DRICH1: variants seen among roughly 807,000 people sequenced by gnomAD.
DRICH1 encodes the protein aspartate-rich protein 1.
Under a neutral mutation model 39.5 loss-of-function variants are expected in DRICH1, and 38 were observed. That is an observed-to-expected ratio of 0.96 (90% CI 0.74 to 1.26). The LOEUF (loss-of-function observed/expected upper bound fraction) is 1.26, where lower values mean the gene tolerates loss of function less well. Among genes scored for constraint, DRICH1 ranks in the 50% most tolerant of loss-of-function variants. The probability of loss-of-function intolerance (pLI) is 0.00; values close to 1 mark genes in which losing one functional copy is unlikely to be tolerated. For missense variants in DRICH1, 279 were observed against 270.4 expected (o/e 1.03, Z -0.22); for synonymous variants, 84 against 99.5 (o/e 0.84, Z 0.93).
At chr22:23,624,039 C>G (rs551932727) in intron 3 of DRICH1, 549 of 985,296 alleles carry the variant, frequency 5.6e-4, no homozygotes, top group Admixed American at 3.9e-3. Flanking sequence ...AGACACTGGA[C>G]CTTTTGCAGT....
chr22:23,621,355 G>A (rs936953087), intron 4 of DRICH1, among the ~76,000 whole-genome samples: 1 of 151,934 alleles, frequency 6.6e-6, no homozygotes, highest in African/African-American at 2.4e-5. Flanking sequence ...AATACTTGAA[G>A]AGCCCCTGAG....
At chr22:23,616,925 AC>A (rs777892830) in intron 7 of DRICH1, 51 bp from the exon 8 acceptor site, 8 of 1,596,742 alleles carry the variant, frequency 5.0e-6, no homozygotes, top group African/African-American at 1.3e-5. Context: ...ATTCTGCCAC[AC>A]CCCTTACACA....
chr22:23,621,912 CA>C (rs1474438049), intron 4 of DRICH1, among the ~76,000 whole-genome samples, 178 bp downstream of exon 4: 3 of 150,752 alleles, frequency 2.0e-5, no homozygotes, highest in African/African-American at 4.9e-5. Context: ...CAAACAAAAA[CA>C]AAAACAAAAC....
At chr22:23,611,604 G>A (rs940182142) in intron 11 of DRICH1, among the ~76,000 whole-genome samples, 18 of 152,120 alleles carry the variant, frequency 1.2e-4, no homozygotes, top group African/African-American at 4.3e-4. Flanking sequence ...TGTGAGCCAG[G>A]ATGGTCTCGA....
At chr22:23,629,674 G>A (rs749586935) in intron 1 of DRICH1, among the ~76,000 whole-genome samples, 6 of 151,986 alleles carry the variant, frequency 3.9e-5, no homozygotes, top group Non-Finnish European at 8.8e-5. Flanking sequence ...GGAGGGGGCA[G>A]TGGCTCGATC....
chr22:23,622,266 G>A, intron 3 of DRICH1, 90 bp from the exon 4 acceptor site: 1 of 1,165,564 alleles, frequency 8.6e-7, no homozygotes, highest in Non-Finnish European at 1.3e-6. Context: ...GTATGGAGGT[G>A]GTTGATTAAC....
the DRICH1 span, among the ~76,000 whole-genome samples, chr22:23,595,291 C>T: frequency 1.2e-4 from 18 of 148,996 alleles, no homozygotes; most frequent in South Asian, 4.0e-3. Flanking sequence ...GTATTCATCC[C>T]CTGAGAAGGT....
chr22:23,601,666 C>T, the DRICH1 span, among the ~76,000 whole-genome samples: 1 of 152,150 alleles, frequency 6.6e-6, no homozygotes, highest in African/African-American at 2.4e-5. Context: ...GGCTGTGATC[C>T]GTTACTGTAG....
chr22:23,623,430 TAGAAA>T (rs1402019708), intron 3 of DRICH1, among the ~76,000 whole-genome samples: 1 of 151,776 alleles, frequency 6.6e-6, no homozygotes, highest in Non-Finnish European at 1.5e-5. Flanking sequence ...AAGAAAAAAA[TAGAAA>T]TCACAAATTT....
chr22:23,601,915 G>GT, the DRICH1 span, among the ~76,000 whole-genome samples: 51 of 152,116 alleles, frequency 3.4e-4, no homozygotes, highest in Non-Finnish European at 6.2e-4. Flanking sequence ...TAAAAGGAAC[G>GT]TAAGGGCTGA....
At chr22:23,615,051 G>A (rs1367426085) in intron 8 of DRICH1, among the ~76,000 whole-genome samples, 1 of 152,190 alleles carries the variant, frequency 6.6e-6, no homozygotes, top group Admixed American at 6.5e-5. Context: ...GAGTATGGGG[G>A]TGATTTTTGG....
Position 23,625,969 on chromosome 22 carries a change from A to AG in DRICH1, c.276+11dup. On this transcript the variant is annotated intron_variant, in intron 2 of 11. Coordinates refer to ENST00000317749, the MANE Select transcript of DRICH1 (RefSeq NM_016449.4). ...CAACATTTCCTTAGAAGGCAAAGAA[A>AG]GGGGGTCTTACCTTGGCATCATCAT... The AG allele has an allele frequency of 3.1e-6, 5 of 1,608,106 alleles. No homozygotes were observed. The highest frequency in any genetic ancestry group is 3.4e-6 in the Non-Finnish European group (4 of 1,175,298).
chr22:23,596,785 T>C, the DRICH1 span, among the ~76,000 whole-genome samples: 3 of 152,260 alleles, frequency 2.0e-5, no homozygotes, highest in Non-Finnish European at 4.4e-5. Context: ...GTCTAATACA[T>C]GGTATATTCC....
chr22:23,608,291 GC>G (rs1926845892), downstream of DRICH1: 1 of 162,936 alleles, frequency 6.1e-6, no homozygotes, highest in Non-Finnish European at 1.4e-5. Flanking sequence ...GGTCCTGCAG[GC>G]CCATATGCAC....
At chr22:23,628,881 A>G (rs186418821) in intron 1 of DRICH1, among the ~76,000 whole-genome samples, 1 of 152,314 alleles carries the variant, frequency 6.6e-6, no homozygotes, top group East Asian at 1.9e-4. Flanking sequence ...AGAGAAAGCA[A>G]TGAAACTCCA....
the DRICH1 span, among the ~76,000 whole-genome samples, chr22:23,597,944 G>A: frequency 0.021 from 3,028 of 147,418 alleles, no homozygotes; most frequent in African/African-American, 0.039. Flanking sequence ...CATCCCACGC[G>A]GCAGCCTTGG....
chr22:23,583,649 C>T, the DRICH1 span, among the ~76,000 whole-genome samples: 9 of 152,244 alleles, frequency 5.9e-5, no homozygotes, highest in African/African-American at 1.4e-4. Context: ...TCCCGATCCT[C>T]GGGGAGATGG....
the DRICH1 span, among the ~76,000 whole-genome samples, chr22:23,582,040 CGCA>C: frequency 6.6e-6 from 1 of 151,582 alleles, no homozygotes; most frequent in African/African-American, 2.4e-5. Context: ...AGTGCAGTGG[CGCA>C]ATCTTAGCTC....
At position 23,614,228 on chromosome 22, in the gene DRICH1, G is replaced by T. The variant is rs760458060; in HGVS notation, c.542-14C>A. On this transcript the variant is annotated splice_polypyrimidine_tract_variant and intron_variant, in intron 8 of 11. Transcript: ENST00000317749. The stretch of plus-strand genomic sequence containing the variant: ...CTTCAGAACAAGCTGGAAGGACACA[G>T]AGGAAAGATCAGTGCACCGGTGGTT... 3 of 1,603,792 alleles carry T rather than the reference G, an allele frequency of 1.9e-6. No homozygotes were observed. In the East Asian group the frequency reaches 6.7e-5, roughly 36 times the overall value.
Sources: gnomAD v4.1 joint callset for allele counts (sites outside exome capture counted in the v4.1 genomes callset) on GRCh38, gnomAD v4.1.1 for gene constraint, MANE v1.5 for transcripts, NCBI Gene and HGNC (gene_info 2026-07-23, HGNC 2026-07-21) for gene names.